DDC: variants seen among roughly 807,000 people sequenced by gnomAD.
DDC encodes aromatic-L-amino-acid decarboxylase.
A neutral mutation model predicts 60.0 loss-of-function variants in DDC; 43 were observed. The observed-to-expected ratio is 0.72, with a 90% CI of 0.56 to 0.92. DDC has a LOEUF of 0.92. DDC is among the 40% of genes least tolerant of loss of function. DDC has a pLI of 0.00. For missense variants in DDC, 573 were observed against 620.2 expected (o/e 0.92, Z 0.81); for synonymous variants, 232 against 234.6 (o/e 0.99, Z 0.10).
At chr7:50,529,113 A>G in intron 5 of DDC, 95 bp downstream of exon 5, 1 of 1,534,422 alleles carries the variant, frequency 6.5e-7, no homozygotes, top group South Asian at 1.1e-5. Context: ...CTGTTCTTAG[A>G]TTTGGAAGGA....
chr7:50,493,018 C>T (rs758831683), intron 9 of DDC: 11 of 1,588,698 alleles, frequency 6.9e-6, no homozygotes, highest in African/African-American at 6.7e-5. Flanking sequence ...GAGGGCAGGA[C>T]GCCGCATTCA....
intron 14 of DDC, among the ~76,000 whole-genome samples, chr7:50,459,285 G>C (rs947538358): frequency 5.9e-5 from 9 of 152,202 alleles, no homozygotes; most frequent in African/African-American, 2.2e-4. Flanking sequence ...CTGGAGTGCA[G>C]TGGAGTGATC....
At chr7:50,483,146 GGTA>G (rs550569806) in intron 9 of DDC, among the ~76,000 whole-genome samples, 27 of 151,932 alleles carry the variant, frequency 1.8e-4, no homozygotes, top group African/African-American at 6.5e-4. Flanking sequence ...TATGTTTTTT[GGTA>G]GTTACCTTTT....
At chr7:50,538,352 G>A (rs1171350188) in intron 3 of DDC, among the ~76,000 whole-genome samples, 5 of 152,142 alleles carry the variant, frequency 3.3e-5, no homozygotes, top group Non-Finnish European at 5.9e-5. Context: ...TGGGCATCCC[G>A]AGAAGCCATT....
At chr7:50,460,608 G>T (rs915758139) in intron 14 of DDC, among the ~76,000 whole-genome samples, 1 of 151,634 alleles carries the variant, frequency 6.6e-6, no homozygotes, top group South Asian at 2.1e-4. Flanking sequence ...GGAACAGAAA[G>T]GGGGGAAAGG....
chr7:50,497,228 G>A (rs957715007), intron 8 of DDC, among the ~76,000 whole-genome samples: 1 of 145,864 alleles, frequency 6.9e-6, no homozygotes, highest in African/African-American at 2.5e-5. Flanking sequence ...GGAAAGAGTC[G>A]GGAGCAATAA....
chr7:50,467,071 C>G, intron 13 of DDC, 143 bp downstream of exon 13: 1 of 810,638 alleles, frequency 1.2e-6, no homozygotes, highest in East Asian at 2.5e-5. Flanking sequence ...TGGGGCAGGG[C>G]AGGCCGGTGG....
intron 6 of DDC, among the ~76,000 whole-genome samples, chr7:50,518,727 C>T (rs1285862650): frequency 6.6e-6 from 1 of 152,192 alleles, no homozygotes; most frequent in Non-Finnish European, 1.5e-5. Context: ...TCACCTTATA[C>T]AAAAATCAAC....
At chr7:50,476,710 C>G in intron 10 of DDC, 67 bp from the exon 11 acceptor site, 1 of 1,427,256 alleles carries the variant, frequency 7.0e-7, no homozygotes, top group South Asian at 1.2e-5. Context: ...CACGCTAATC[C>G]TTTTCATTTT....
chr7:50,530,747 G>T (rs73123247), intron 4 of DDC, among the ~76,000 whole-genome samples: 13,555 of 152,158 alleles, frequency 0.089, 959 homozygotes, highest in South Asian at 0.14. Context: ...CCCATCTACC[G>T]ACCAGTATGA....
chr7:50,464,405 G>A (rs1485904204), intron 13 of DDC, among the ~76,000 whole-genome samples: 1 of 152,122 alleles, frequency 6.6e-6, no homozygotes, highest in Non-Finnish European at 1.5e-5. Flanking sequence ...GACAGTGATG[G>A]GCCAGAGGAA....
chr7:50,492,782 G>T, intron 9 of DDC: 1 of 1,456,258 alleles, frequency 6.9e-7, no homozygotes, highest in Non-Finnish European at 9.1e-7. Flanking sequence ...TCCCCTCACA[G>T]GCTGGTGGCT....
chr7:50,559,027 C>G (rs888467870), intron 1 of DDC, among the ~76,000 whole-genome samples: 1 of 152,214 alleles, frequency 6.6e-6, no homozygotes, highest in African/African-American at 2.4e-5. Flanking sequence ...AGAAGTGCCT[C>G]TCCTCTACCT....
At chr7:50,549,626 C>T (rs1314649294) in intron 1 of DDC, among the ~76,000 whole-genome samples, 3 of 149,366 alleles carry the variant, frequency 2.0e-5, no homozygotes, top group Non-Finnish European at 3.0e-5. Flanking sequence ...CACTGCACTC[C>T]AGCCTGGGCG....
intron 1 of DDC, among the ~76,000 whole-genome samples, chr7:50,551,882 C>A (rs2045008116): frequency 6.6e-6 from 1 of 152,064 alleles, no homozygotes; most frequent in Admixed American, 6.5e-5. Flanking sequence ...CTAGCTATAT[C>A]TATTTGCCCT....
intron 4 of DDC, among the ~76,000 whole-genome samples, chr7:50,536,792 C>T (rs532164918): frequency 1.3e-5 from 2 of 152,230 alleles, no homozygotes; most frequent in African/African-American, 4.8e-5. Flanking sequence ...GCTAGTTTCG[C>T]GTGGCCACAC....
chr7:50,474,101 G>A (rs1161100251), intron 11 of DDC, among the ~76,000 whole-genome samples: 1 of 152,248 alleles, frequency 6.6e-6, no homozygotes, highest in Non-Finnish European at 1.5e-5. Flanking sequence ...CTGATCAAAG[G>A]ATGCTTTGAA....
At chr7:50,514,263 T>C (rs2043666150) in intron 6 of DDC, among the ~76,000 whole-genome samples, 1 of 152,010 alleles carries the variant, frequency 6.6e-6, no homozygotes, top group Non-Finnish European at 1.5e-5. Flanking sequence ...GGAAGCCACA[T>C]CCATAGGAAA....
At chr7:50,489,902 AGAT>A (rs1390510124) in intron 9 of DDC, among the ~76,000 whole-genome samples, 1 of 152,260 alleles carries the variant, frequency 6.6e-6, no homozygotes, top group Non-Finnish European at 1.5e-5. Context: ...ATTTTGGTCA[AGAT>A]GATTAAAATT....
Sources: allele counts gnomAD v4.1 joint callset (sites outside exome capture counted in the v4.1 genomes callset), GRCh38; gene constraint gnomAD v4.1.1; transcripts MANE v1.5; gene names NCBI Gene and HGNC (gene_info 2026-07-23, HGNC 2026-07-21).